NSD1: variants seen among roughly 807,000 people sequenced by gnomAD.
NSD1 encodes the protein nuclear receptor binding SET domain protein 1, also known as histone-lysine N-methyltransferase, H3 lysine-36 specific.
In NSD1, 26 loss-of-function variants were observed where a neutral mutation model predicts 242.7. The ratio of observed to expected loss-of-function variants is 0.11; its 90% CI spans 0.08 to 0.15. The LOEUF (loss-of-function observed/expected upper bound fraction) is 0.15. Among genes scored for constraint, NSD1 ranks in the 10% least tolerant of loss-of-function variants. The pLI is 1.00. For synonymous variants in NSD1, 1,106 were observed against 1,178.1 expected (o/e 0.94, Z 1.25); for missense variants, 2,495 against 3,272.8 (o/e 0.76, Z 5.80).
chr5:177,281,234 A>T (rs2127258265), intron 18 of NSD1, among the ~76,000 whole-genome samples: 1 of 152,354 alleles, frequency 6.6e-6, no homozygotes, highest in Non-Finnish European at 1.5e-5. Flanking sequence ...CATGAAGGAT[A>T]AGAAGGTTAA....
Position 177,210,602 on chromosome 5 carries a change from G to T in NSD1, c.2203G>T (p.Ala735Ser), listed in dbSNP as rs765039385. 6.2e-7 allele frequency: 1 copy of T among 1,614,016 alleles called. No individual in the cohort carries two copies. Among genetic ancestry groups the T allele is most frequent in the African/African-American group, 1.3e-5 (1 of 75,000 alleles). Residue 735 changes from alanine to serine, a missense_variant, in exon 5 of 23, where the codon GCA (alanine) becomes TCA (serine). Coordinates refer to ENST00000439151, the MANE Select transcript of NSD1 (RefSeq NM_022455.5). ...TCAGGTTAATCTCTCTGATCTGAAG[G>T]CATCTACTCTTGTTCACAAACCCCA... is the stretch of plus-strand genomic sequence containing the variant. ...TSQVNLSDLK[A>S]STLVHKPQSD...
chr5:177,171,566 A>G (rs532186253), intron 2 of NSD1, among the ~76,000 whole-genome samples: 15 of 152,320 alleles, frequency 9.8e-5, no homozygotes, highest in African/African-American at 3.6e-4. Flanking sequence ...TTTGTTATCC[A>G]TTCATCAGTT....
chr5:177,228,460 A>G (rs1338330475), intron 5 of NSD1, among the ~76,000 whole-genome samples: 1 of 151,618 alleles, frequency 6.6e-6, no homozygotes, highest in African/African-American at 2.4e-5. Context: ...CAAGTGATCC[A>G]CCTGCCTCGA....
At position 177,134,821 on chromosome 5, in the gene NSD1, T is replaced by C. The variant is rs953431860; in HGVS notation, c.-17-266T>C. 6.6e-6 allele frequency among the ~76,000 whole-genome samples: 1 copy of C among 152,186 alleles called. No homozygotes were observed. The highest frequency in any genetic ancestry group is 1.5e-5 in the Non-Finnish European group (1 of 68,020). ...ACGGGCAGAGGGGTTTTAATTTTAG[T>C]TCATCCCAAGTGTCCACCAGTCTAC... is the stretch of plus-strand genomic sequence containing the variant. On this transcript the variant is annotated intron_variant, in intron 1 of 22. Transcript: ENST00000439151. This position sits in a 1 kb window ranked among gnomAD's most constrained non-coding sequence, Gnocchi z 4.2.
intron 21 of NSD1, among the ~76,000 whole-genome samples, chr5:177,291,576 C>G (rs1759830599): frequency 6.6e-6 from 1 of 152,174 alleles, no homozygotes. Context: ...TTGCTTGAAC[C>G]CAGCAGGCGG....
chr5:177,151,900 G>A (rs1053373400), intron 2 of NSD1, among the ~76,000 whole-genome samples: 4 of 151,554 alleles, frequency 2.6e-5, no homozygotes, highest in East Asian at 1.9e-4. Flanking sequence ...TTGCCCCATC[G>A]CCCAGGCTGG....
chr5:177,189,227 A>G (rs1184763286), intron 2 of NSD1, among the ~76,000 whole-genome samples: 1 of 152,216 alleles, frequency 6.6e-6, no homozygotes, highest in African/African-American at 2.4e-5. Context: ...TTTGTGGCTT[A>G]GGAAACTGAG....
intron 2 of NSD1, among the ~76,000 whole-genome samples, chr5:177,151,903 C>T (rs1013902068): frequency 5.3e-5 from 8 of 151,932 alleles, no homozygotes; most frequent in Admixed American, 2.0e-4. Flanking sequence ...CCCCATCGCC[C>T]AGGCTGGAGT....
At chr5:177,222,050 A>G (rs1163503329) in intron 5 of NSD1, among the ~76,000 whole-genome samples, 1 of 152,058 alleles carries the variant, frequency 6.6e-6, no homozygotes, top group African/African-American at 2.4e-5. Context: ...ATCTCAGGTG[A>G]TCTGCCCACC....
intron 21 of NSD1, among the ~76,000 whole-genome samples, chr5:177,291,148 G>A (rs190250134): frequency 6.6e-6 from 1 of 152,336 alleles, no homozygotes; most frequent in Non-Finnish European, 1.5e-5. Context: ...AACATCTGCT[G>A]GCTGCTCCAG....
rs543892945 is a variant in NSD1, at chr5:177,226,139, G to T, written c.3797-9682G>T. Among the ~76,000 whole-genome samples the T allele has an allele frequency of 3.4e-4, 52 of 152,134 alleles. 1 individual carries two copies. The South Asian group carries it at 8.9e-3, about 26-fold the overall frequency. On this transcript the variant is annotated intron_variant, in intron 5 of 22. Coordinates refer to ENST00000439151, the MANE Select transcript of NSD1 (RefSeq NM_022455.5). ...TTGGCTCACTGCAACCTTTGCCTCC[G>T]GGGCTCAAGCAATCCTCCCACATCA...
intron 12 of NSD1, 94 bp downstream of exon 12, chr5:177,251,947 C>T: frequency 6.8e-7 from 1 of 1,480,626 alleles, no homozygotes; most frequent in Non-Finnish European, 9.4e-7. Context: ...TTTGTGGCAA[C>T]ACTGGGCTAG....
intron 5 of NSD1, among the ~76,000 whole-genome samples, chr5:177,234,033 T>C (rs1765259724): frequency 6.6e-6 from 1 of 152,330 alleles, no homozygotes; most frequent in East Asian, 1.9e-4. Flanking sequence ...AAGGTACAGC[T>C]GTGCATGCCT....
chr5:177,149,873 G>T (rs79128296), intron 2 of NSD1, among the ~76,000 whole-genome samples: 3,863 of 152,144 alleles, frequency 0.025, 48 homozygotes, highest in African/African-American at 0.029. Context: ...TGGCCTGGGC[G>T]TTGGGGACCC....
At chr5:177,267,856 C>A in intron 15 of NSD1, 138 bp downstream of exon 15, 1 of 859,532 alleles carries the variant, frequency 1.2e-6, no homozygotes, top group Non-Finnish European at 1.9e-6. Flanking sequence ...GATTTTTTTC[C>A]TTATAGGAAG....
chr5:177,259,868 G>A, intron 13 of NSD1, 121 bp from the exon 14 acceptor site: 1 of 1,053,900 alleles, frequency 9.5e-7, no homozygotes, highest in Non-Finnish European at 1.4e-6. Flanking sequence ...TCATCTTAGT[G>A]GTCATTCCTT....
chr5:177,152,315 G>A (rs967299397), intron 2 of NSD1, among the ~76,000 whole-genome samples: 4 of 140,414 alleles, frequency 2.8e-5, no homozygotes, highest in African/African-American at 1.1e-4. Context: ...CAGGTTGTGT[G>A]TGTGTGTATG....
At chr5:177,257,617 T>A (rs1309394482) in intron 13 of NSD1, among the ~76,000 whole-genome samples, 1 of 152,098 alleles carries the variant, frequency 6.6e-6, no homozygotes, top group African/African-American at 2.4e-5. Flanking sequence ...ACCAACATTG[T>A]ATTTGGGAGA....
At position 177,288,659 on chromosome 5, in the gene NSD1, T is replaced by G; in HGVS notation, c.6152-160T>G. ...TCTCTGTTAAATTGTATTACCTGAT[T>G]ATTAATGTTATAAGATTAGAATTAA... On this transcript the variant is annotated intron_variant, in intron 20 of 22. Coordinates refer to ENST00000439151, the MANE Select transcript of NSD1 (RefSeq NM_022455.5). 3 of 613,954 alleles carry G rather than the reference T, an allele frequency of 4.9e-6. No individual in the cohort carries two copies. The South Asian group carries it at 5.7e-5, about 12-fold the overall frequency. The allele number at this position is 613,954 out of a possible 1,614,324, so 38.0% of individuals were successfully genotyped here.
Sources: gnomAD v4.1 joint callset for allele counts (sites outside exome capture counted in the v4.1 genomes callset) on GRCh38, gnomAD v4.1.1 for gene constraint, Gnocchi (gnomAD v3.1) non-coding constraint, MANE v1.5 for transcripts, NCBI Gene and HGNC (gene_info 2026-07-23, HGNC 2026-07-21) for gene names.